AUTS2: variants seen among roughly 807,000 people sequenced by gnomAD.
AUTS2 encodes the protein autism susceptibility gene 2 protein.
AUTS2 carries 17 observed loss-of-function variants against 112.4 expected under a neutral mutation model. The ratio of observed to expected loss-of-function variants is 0.15; its 90% CI spans 0.10 to 0.23. The LOEUF (loss-of-function observed/expected upper bound fraction) is 0.23. AUTS2 is among the 10% of genes least tolerant of loss of function. AUTS2 has a pLI of 1.00. For synonymous variants in AUTS2, 751 were observed against 702.7 expected (o/e 1.07, Z -1.09); for missense variants, 1,510 against 1,701.6 (o/e 0.89, Z 1.98).
At chr7:69,618,460 A>G (rs777291504) in intron 1 of AUTS2, among the ~76,000 whole-genome samples, 9 of 152,108 alleles carry the variant, frequency 5.9e-5, no homozygotes, top group Non-Finnish European at 1.0e-4. Flanking sequence ...CAAGACCTGC[A>G]TGAGAGTGTG....
intron 4 of AUTS2, among the ~76,000 whole-genome samples, chr7:70,391,165 T>C (rs1432126411): frequency 2.6e-5 from 4 of 152,210 alleles, no homozygotes; most frequent in Admixed American, 2.6e-4. Flanking sequence ...AGCGCCTCAG[T>C]AATTCACATT....
chr7:69,770,277 A>G (rs1788604386), intron 1 of AUTS2, among the ~76,000 whole-genome samples: 1 of 152,266 alleles, frequency 6.6e-6, no homozygotes, highest in Non-Finnish European at 1.5e-5. Context: ...ATTATAAATG[A>G]GGACCATAGA....
At chr7:70,552,108 G>A (rs77303187) in intron 5 of AUTS2, among the ~76,000 whole-genome samples, 3,287 of 152,292 alleles carry the variant, frequency 0.022, 55 homozygotes, top group Non-Finnish European at 0.035. Flanking sequence ...GTGTGTGTAT[G>A]TGCGTGTGCA....
chr7:70,123,067 G>A (rs1805771783), intron 3 of AUTS2, among the ~76,000 whole-genome samples: 1 of 151,792 alleles, frequency 6.6e-6, no homozygotes, highest in Non-Finnish European at 1.5e-5. Flanking sequence ...AGTAGAGATG[G>A]GCTTCACCAT....
chr7:70,578,416 T>A (rs953255237), intron 5 of AUTS2, among the ~76,000 whole-genome samples: 2 of 152,242 alleles, frequency 1.3e-5, no homozygotes, highest in Non-Finnish European at 2.9e-5. Flanking sequence ...ACATTTTCTG[T>A]CCCTAGTTTC....
intron 5 of AUTS2, among the ~76,000 whole-genome samples, chr7:70,606,766 G>A (rs1029974973): frequency 3.3e-5 from 5 of 151,850 alleles, no homozygotes; most frequent in African/African-American, 4.8e-5. Flanking sequence ...GGAGACTGAG[G>A]CAGGAGAATC....
At chr7:70,179,954 A>C (rs1203806151) in intron 4 of AUTS2, among the ~76,000 whole-genome samples, 1 of 152,172 alleles carries the variant, frequency 6.6e-6, no homozygotes, top group African/African-American at 2.4e-5. Flanking sequence ...TGGTCACAGG[A>C]GCTCTAATGC....
At chr7:70,207,366 A>G (rs1810624802) in intron 4 of AUTS2, among the ~76,000 whole-genome samples, 2 of 152,250 alleles carry the variant, frequency 1.3e-5, no homozygotes, top group Non-Finnish European at 2.9e-5. Context: ...TTGAAAGAAT[A>G]AACTGTTATC....
chr7:69,891,862 C>T (rs572853475), intron 1 of AUTS2, among the ~76,000 whole-genome samples: 19 of 123,992 alleles, frequency 1.5e-4, no homozygotes, highest in African/African-American at 5.0e-4. Flanking sequence ...GACACAATCT[C>T]GGCTCACTGC....
chr7:70,452,813 C>A (rs1265086771), intron 5 of AUTS2, among the ~76,000 whole-genome samples: 3 of 152,126 alleles, frequency 2.0e-5, no homozygotes, highest in Non-Finnish European at 4.4e-5. Context: ...AGGCGGTGGG[C>A]CCCCAAGGGA....
chr7:69,707,881 C>T (rs1437557581), intron 1 of AUTS2, among the ~76,000 whole-genome samples: 3 of 152,208 alleles, frequency 2.0e-5, no homozygotes, highest in Non-Finnish European at 4.4e-5. Flanking sequence ...GAAAGCCCTT[C>T]TCCATACTTG....
intron 1 of AUTS2, among the ~76,000 whole-genome samples, chr7:69,765,742 C>A (rs1347932542): frequency 6.6e-6 from 1 of 152,084 alleles, no homozygotes; most frequent in African/African-American, 2.4e-5. Context: ...GAGTTTGAGA[C>A]CAGCCTGGGC....
chr7:70,738,077 C>T (rs549098792), intron 6 of AUTS2, among the ~76,000 whole-genome samples: 33 of 152,218 alleles, frequency 2.2e-4, no homozygotes, highest in African/African-American at 7.9e-4. Context: ...GAGGTATGGC[C>T]GGGTTTTCCT....
intron 5 of AUTS2, among the ~76,000 whole-genome samples, chr7:70,552,508 C>T (rs1184095032): frequency 6.6e-6 from 1 of 152,112 alleles, no homozygotes; most frequent in Non-Finnish European, 1.5e-5. Flanking sequence ...GGTTAGACAT[C>T]GTTGTTGTGC....
intron 1 of AUTS2, among the ~76,000 whole-genome samples, chr7:69,694,854 A>T (rs541545847): frequency 6.6e-6 from 1 of 152,192 alleles, no homozygotes; most frequent in African/African-American, 2.4e-5. Context: ...TACTTTTTCT[A>T]GCTTTGCAAA....
intron 4 of AUTS2, among the ~76,000 whole-genome samples, chr7:70,288,624 G>C (rs544057628): frequency 6.6e-6 from 1 of 152,194 alleles, no homozygotes; most frequent in Admixed American, 6.5e-5. Context: ...AGAGGAGGAA[G>C]GCCAAAGGAG....
chr7:69,600,633 G>A (rs563532619), intron 1 of AUTS2, among the ~76,000 whole-genome samples: 2 of 150,804 alleles, frequency 1.3e-5, no homozygotes, highest in African/African-American at 4.9e-5. Flanking sequence ...GGGAAGGGTG[G>A]AATAGCTCTC....
intron 3 of AUTS2, chr7:70,118,726 G>T (rs1049661146): frequency 6.6e-6 from 1 of 152,428 alleles, no homozygotes; most frequent in African/African-American, 2.4e-5. Context: ...GTGGTGAGCC[G>T]ATATTGTGCC....
intron 2 of AUTS2, among the ~76,000 whole-genome samples, chr7:70,071,756 C>G (rs12386765): frequency 9.2e-5 from 14 of 152,318 alleles, no homozygotes; most frequent in African/African-American, 3.1e-4. Flanking sequence ...TCTCTATCCC[C>G]ATCAGATGGT....
Sources: allele counts gnomAD v4.1 joint callset (sites outside exome capture counted in the v4.1 genomes callset), GRCh38; gene constraint gnomAD v4.1.1; transcripts MANE v1.5; gene names NCBI Gene and HGNC (gene_info 2026-07-23, HGNC 2026-07-21).